Variants in KCNAB2 observed in about 807,000 individuals in gnomAD.
KCNAB2 encodes the protein voltage-gated potassium channel subunit beta-2.
Under a neutral mutation model 63.6 loss-of-function variants are expected in KCNAB2, and 29 were observed. The observed-to-expected ratio is 0.46, with a 90% CI of 0.34 to 0.62. The LOEUF (loss-of-function observed/expected upper bound fraction) is 0.62, where lower values mean the gene tolerates loss of function less well. Ranked by LOEUF, KCNAB2 falls within the 20% of genes least tolerant of loss-of-function variation. The pLI is 0.01. For synonymous variants in KCNAB2, 222 were observed against 224.2 expected (o/e 0.99, Z 0.09); for missense variants, 359 against 563.9 (o/e 0.64, Z 3.68).
Position 6,097,254 on chromosome 1 carries a change from G to A in KCNAB2, c.1070-15G>A, listed in dbSNP as rs906018597. 4 of 1,532,496 alleles carry A rather than the reference G, an allele frequency of 2.6e-6. No individual in the cohort carries two copies. The African/African-American group carries it at 4.1e-5, about 16-fold the overall frequency. 94.9% of individuals were successfully genotyped at this position (1,532,496 alleles called of 1,614,324 possible). A position where few individuals can be genotyped will look rare whatever the true frequency, so the allele number is the denominator to read the frequency against. ...GGTGGGTGTTTCTCCCTCACCTTGG[G>A]TCTCGCCGCCACAGCCTGGTGCCTG... On this transcript the variant is annotated splice_polypyrimidine_tract_variant and intron_variant, in intron 14 of 15. Coordinates refer to ENST00000378083, the MANE Select transcript of KCNAB2 (RefSeq NM_001199862.2).
chr1:6,010,992 G>T (rs1056110113), intron 1 of KCNAB2, among the ~76,000 whole-genome samples: 109 of 152,312 alleles, frequency 7.2e-4, no homozygotes, highest in African/African-American at 2.6e-3. Context: ...AGACACAGAT[G>T]ATAGAGGTGG....
chr1:6,048,262 G>A (rs1570951993), intron 1 of KCNAB2, among the ~76,000 whole-genome samples: 1 of 152,174 alleles, frequency 6.6e-6, no homozygotes, highest in East Asian at 1.9e-4. Flanking sequence ...GGCCCCTGGT[G>A]GTGGATTTTT....
rs779987039 is a variant in KCNAB2 at position 6,095,331 on chromosome 1, C to A, written c.741C>A (p.Tyr247Ter). ...CCTTTCTGCCTTCACAGGAGGCCTACTCCGTGGCCCGGCAGTTCAACCTGA... is the reference window on the plus strand; with the variant it reads ...CCTTTCTGCCTTCACAGGAGGCCTAATCCGTGGCCCGGCAGTTCAACCTGA... ...RWSSMEIMEAYSVARQFNLTP... is the reference protein window; with the variant it reads ...RWSSMEIMEA Residue 247 changes from tyrosine (Y) to a stop codon, truncating the protein, a stop_gained, in exon 12 of 16, where the codon TAC becomes TAA. Coordinates refer to ENST00000378083, the MANE Select transcript of KCNAB2 (RefSeq NM_001199862.2). LOFTEE classifies it high-confidence loss of function. The A allele has an allele frequency of 1.2e-6, 2 of 1,612,618 alleles. No individual in the cohort carries two copies.
In KCNAB2 at chr1:6,073,368, C is replaced by T. The variant is rs773053180; in HGVS notation, c.263-365C>T. 3.9e-5 allele frequency among the ~76,000 whole-genome samples: 6 copies of T among 152,130 alleles called. No individual in the cohort carries two copies. The highest frequency in any genetic ancestry group is 1.3e-4 in the Admixed American group (2 of 15,274). On this transcript the variant is annotated intron_variant, in intron 3 of 15. Transcript: ENST00000378083. This position sits in a 1 kb window ranked among gnomAD's most constrained non-coding sequence, Gnocchi z 5.7. ...CTCTGTCCCAGCAGGAGCACGCAGA[C>T]GCGGCTGTCAGACCTGGTGTGTTTT...
chr1:6,049,689 C>T (rs984835020), intron 1 of KCNAB2, among the ~76,000 whole-genome samples: 1 of 152,206 alleles, frequency 6.6e-6, no homozygotes, highest in Admixed American at 6.5e-5. Context: ...TCGGGGGCTC[C>T]TTGCCTGCTG....
chr1:6,045,174 C>T (rs1006554537), upstream of KCNAB2, among the ~76,000 whole-genome samples: 1 of 152,174 alleles, frequency 6.6e-6, no homozygotes, highest in African/African-American at 2.4e-5. The surrounding 1 kb of genome is among the most constrained non-coding windows in gnomAD (Gnocchi z 4.8). Flanking sequence ...GATTTCCTGT[C>T]CCCCACCTTC....
At chr1:6,088,911 T>C (rs1664937757) in intron 7 of KCNAB2, 97 bp from the exon 8 acceptor site, 3 of 1,181,444 alleles carry the variant, frequency 2.5e-6, no homozygotes, top group Non-Finnish European at 3.7e-6. Context: ...TTGCTGACCC[T>C]GTTTTTGCGT....
At chr1:6,041,836 G>T, upstream of KCNAB2, 2 of 1,613,494 alleles carry the variant, frequency 1.2e-6, no homozygotes, top group South Asian at 1.1e-5. Flanking sequence ...CGAAGTACTC[G>T]GTATGGGAGT....
At chr1:6,045,309 G>T (rs1217917586), upstream of KCNAB2, among the ~76,000 whole-genome samples, 1 of 152,172 alleles carries the variant, frequency 6.6e-6, no homozygotes, top group East Asian at 1.9e-4. This position sits in a 1 kb window ranked among gnomAD's most constrained non-coding sequence, Gnocchi z 4.8. Context: ...GACTTTGCTG[G>T]CATCCTGTGA....
chr1:5,998,928 A>C (rs1657083961), intron 1 of KCNAB2, among the ~76,000 whole-genome samples: 1 of 152,228 alleles, frequency 6.6e-6, no homozygotes, highest in Admixed American at 6.5e-5. Flanking sequence ...CTTTGCCGCC[A>C]ATGGCTCTGG....
chr1:6,097,804 G>A (rs1665773958), intron 15 of KCNAB2: 1 of 347,082 alleles, frequency 2.9e-6, no homozygotes, highest in Non-Finnish European at 5.2e-6. Flanking sequence ...GAGCAGAGGG[G>A]CAGATCCTGA....
intron 1 of KCNAB2, among the ~76,000 whole-genome samples, chr1:5,997,590 C>T (rs1271845629): frequency 5.9e-5 from 9 of 152,202 alleles, no homozygotes; most frequent in Non-Finnish European, 7.3e-5. Context: ...TTTCATTTTC[C>T]ACCCCCGGGC....
chr1:6,086,238 A>T lies in KCNAB2; in HGVS notation c.425+990A>T. ...CACTCAGAATCCCAGTGCCAAGGGG[A>T]GCCCCCGCCCCCTCCCCCATGGATT... On this transcript the variant is annotated intron_variant, in intron 6 of 15. Coordinates refer to ENST00000378083, the MANE Select transcript of KCNAB2 (RefSeq NM_001199862.2). This position sits in a 1 kb window ranked among gnomAD's most constrained non-coding sequence, Gnocchi z 4.2. The T allele has an allele frequency of 1.0e-6, 1 of 984,700 alleles. No individual in the cohort carries two copies. The highest frequency in any genetic ancestry group is 1.2e-6 in the Non-Finnish European group (1 of 829,484). 61.0% of individuals were successfully genotyped at this position (984,700 alleles called of 1,614,324 possible).
intron 10 of KCNAB2, among the ~76,000 whole-genome samples, chr1:6,092,517 T>C (rs541014394): frequency 6.6e-5 from 10 of 152,326 alleles, no homozygotes; most frequent in African/African-American, 1.4e-4. Flanking sequence ...CTGTCTGGCA[T>C]GTGGACCTAA....
intron 9 of KCNAB2, among the ~76,000 whole-genome samples, chr1:6,090,959 T>C (rs1264750191): frequency 2.0e-5 from 3 of 152,184 alleles, no homozygotes; most frequent in Non-Finnish European, 2.9e-5. Context: ...ACTTTGGCGT[T>C]TTTTATTCTT....
At chr1:5,993,731 C>T (rs1295548202) in intron 1 of KCNAB2, among the ~76,000 whole-genome samples, 1 of 152,236 alleles carries the variant, frequency 6.6e-6, no homozygotes, top group African/African-American at 2.4e-5. Context: ...CACCTTTCCT[C>T]CCTGGCCACC....
At chr1:6,080,828 C>T (rs1285435317) in intron 4 of KCNAB2, among the ~76,000 whole-genome samples, 7 of 152,226 alleles carry the variant, frequency 4.6e-5, no homozygotes, top group Admixed American at 3.3e-4. Context: ...GCCACAAGGG[C>T]TTCTGAGTTC....
intron 2 of KCNAB2, among the ~76,000 whole-genome samples, chr1:6,057,139 C>T (rs1394657958): frequency 6.6e-6 from 1 of 150,856 alleles, no homozygotes; most frequent in African/African-American, 2.4e-5. Flanking sequence ...ACAGGACTGA[C>T]TGGAAGCTGG....
chr1:6,038,849 T>G (rs1157343804), intron 1 of KCNAB2, among the ~76,000 whole-genome samples: 1 of 152,210 alleles, frequency 6.6e-6, no homozygotes, highest in Non-Finnish European at 1.5e-5. Flanking sequence ...CCCAACAACT[T>G]CATGGGTTGC....
Sources: allele counts gnomAD v4.1 joint callset (sites outside exome capture counted in the v4.1 genomes callset), GRCh38; gene constraint gnomAD v4.1.1; non-coding constraint Gnocchi (gnomAD v3.1); transcripts MANE v1.5; gene names NCBI Gene and HGNC (gene_info 2026-07-23, HGNC 2026-07-21).